DGKI: variants seen among roughly 807,000 people sequenced by gnomAD.
DGKI encodes diacylglycerol kinase iota, also known as DAG kinase iota.
DGKI carries 55 observed loss-of-function variants against 147.5 expected under a neutral mutation model. That is an observed-to-expected ratio of 0.37 (90% CI 0.30 to 0.47). The LOEUF (loss-of-function observed/expected upper bound fraction) is 0.47, where lower values mean the gene tolerates loss of function less well. DGKI is among the 20% of genes least tolerant of loss of function. The probability of loss-of-function intolerance (pLI) is 1.00; values close to 1 mark genes in which losing one functional copy is unlikely to be tolerated. For synonymous variants in DGKI, 469 were observed against 477.1 expected, an observed-to-expected ratio of 0.98 and a Z score of 0.22; for missense variants, 1,007 against 1,323.8, an observed-to-expected ratio of 0.76 and a Z score of 3.71.
At chr7:137,585,142 A>AT (rs879700103) in intron 14 of DGKI, 67 bp downstream of exon 14, 41 of 1,580,208 alleles carry the variant, frequency 2.6e-5, no homozygotes, top group African/African-American at 2.7e-5. Flanking sequence ...TCCAGCCAGG[A>AT]TTTTTTTTCC....
intron 1 of DGKI, among the ~76,000 whole-genome samples, chr7:137,826,400 C>A (rs185708750): frequency 6.6e-6 from 1 of 152,322 alleles, no homozygotes; most frequent in East Asian, 1.9e-4. Flanking sequence ...CAATGTTGCA[C>A]TCCATTTACT....
At chr7:137,808,811 A>G (rs2116990922) in intron 1 of DGKI, among the ~76,000 whole-genome samples, 1 of 152,312 alleles carries the variant, frequency 6.6e-6, no homozygotes, top group Non-Finnish European at 1.5e-5. Context: ...GATGTCAAAG[A>G]TCATGGTGAG....
chr7:137,736,419 T>G (rs1795025040), intron 1 of DGKI, among the ~76,000 whole-genome samples: 1 of 152,130 alleles, frequency 6.6e-6, no homozygotes, highest in African/African-American at 2.4e-5. Context: ...GGCAAATTAT[T>G]TAGCTCCTCT....
intron 3 of DGKI, among the ~76,000 whole-genome samples, chr7:137,670,321 A>G (rs1464231283): frequency 6.6e-6 from 1 of 152,162 alleles, no homozygotes; most frequent in African/African-American, 2.4e-5. Flanking sequence ...TGAAGTGAGC[A>G]GTATCAGCAC....
intron 28 of DGKI, among the ~76,000 whole-genome samples, chr7:137,427,955 C>T (rs1165274447): frequency 7.3e-5 from 11 of 150,798 alleles, no homozygotes; most frequent in East Asian, 3.9e-4. Flanking sequence ...GATTCACAGC[C>T]GAATTCTACC....
chr7:137,716,325 T>C (rs1238883382), intron 1 of DGKI, among the ~76,000 whole-genome samples: 1 of 152,216 alleles, frequency 6.6e-6, no homozygotes, highest in African/African-American at 2.4e-5. Context: ...GGCCTTTAAA[T>C]GACTGTAAAA....
chr7:137,786,963 C>A (rs752458017), intron 1 of DGKI, among the ~76,000 whole-genome samples: 1 of 152,098 alleles, frequency 6.6e-6, no homozygotes, highest in South Asian at 2.1e-4. Flanking sequence ...TCACCTTATA[C>A]AAAAATCAAC....
At chr7:137,779,192 G>C (rs1250395647) in intron 1 of DGKI, among the ~76,000 whole-genome samples, 5 of 152,072 alleles carry the variant, frequency 3.3e-5, no homozygotes, top group Non-Finnish European at 7.4e-5. Flanking sequence ...CAAGTCTATA[G>C]TCAATTGATT....
At chr7:137,831,545 A>T (rs1409928288) in intron 1 of DGKI, among the ~76,000 whole-genome samples, 1 of 152,198 alleles carries the variant, frequency 6.6e-6, no homozygotes, top group East Asian at 1.9e-4. Context: ...TGAGAACAGC[A>T]TAAGAAAGAC....
At chr7:137,782,951 C>T (rs1223765446) in intron 1 of DGKI, among the ~76,000 whole-genome samples, 1 of 152,174 alleles carries the variant, frequency 6.6e-6, no homozygotes, top group Non-Finnish European at 1.5e-5. Context: ...ATCAAGGGAG[C>T]ACCCCGTGGG....
At chr7:137,514,059 G>C (rs1032623067) in intron 21 of DGKI, 1 of 563,856 alleles carries the variant, frequency 1.8e-6, no homozygotes, top group Non-Finnish European at 3.3e-6. Context: ...AATGGATCTA[G>C]AACTTCATCG....
intron 21 of DGKI, among the ~76,000 whole-genome samples, chr7:137,512,071 A>C (rs908811769): frequency 6.6e-6 from 1 of 152,182 alleles, no homozygotes; most frequent in South Asian, 2.1e-4. Flanking sequence ...TTGTACACAA[A>C]ACTCAGTCTC....
chr7:137,391,555 G>A (rs1010404358), intron 32 of DGKI, among the ~76,000 whole-genome samples: 9 of 152,140 alleles, frequency 5.9e-5, no homozygotes, highest in African/African-American at 1.9e-4. Flanking sequence ...GAACATGTGC[G>A]ATTGGTAAAT....
intron 1 of DGKI, among the ~76,000 whole-genome samples, chr7:137,728,464 T>C (rs1794774431): frequency 6.6e-6 from 1 of 152,164 alleles, no homozygotes; most frequent in South Asian, 2.1e-4. Flanking sequence ...AGCAATAGTT[T>C]AGCCCCAGCA....
chr7:137,460,254 A>T (rs1232115214), intron 27 of DGKI, among the ~76,000 whole-genome samples: 2 of 152,216 alleles, frequency 1.3e-5, no homozygotes, highest in Non-Finnish European at 2.9e-5. Flanking sequence ...TTATCGAGTA[A>T]GCTGAAACTG....
At chr7:137,542,619 T>TG (rs1817740304) in intron 20 of DGKI, among the ~76,000 whole-genome samples, 1 of 152,176 alleles carries the variant, frequency 6.6e-6, no homozygotes, top group African/African-American at 2.4e-5. Flanking sequence ...TTGACTACAG[T>TG]GGAATACATC....
rs531816391 is a variant in DGKI, at chr7:137,405,616, A to G, written c.2920+2259T>C. 5.3e-5 allele frequency among the ~76,000 whole-genome samples: 8 copies of G among 152,316 alleles called. No individual in the cohort carries two copies. The South Asian group carries it at 1.2e-3, about 24-fold the overall frequency. ...CATCAAACAGTGGAATCTGTTTCCCAACCTTTTAAATCTGGGCTGGCCCTG... is the reference window on the plus strand; with the variant it reads ...CATCAAACAGTGGAATCTGTTTCCCGACCTTTTAAATCTGGGCTGGCCCTG... On this transcript the variant is annotated intron_variant, in intron 30 of 32. Coordinates refer to ENST00000614521, the MANE Select transcript of DGKI (RefSeq NM_001321708.2).
chr7:137,419,817 T>C (rs1266057118), intron 28 of DGKI, among the ~76,000 whole-genome samples: 2 of 152,226 alleles, frequency 1.3e-5, no homozygotes, highest in Non-Finnish European at 2.9e-5. Flanking sequence ...TGTGACAAAT[T>C]ATTTGTTATA....
intron 30 of DGKI, among the ~76,000 whole-genome samples, chr7:137,403,338 C>T (rs1811833887): frequency 6.6e-6 from 1 of 152,184 alleles, no homozygotes; most frequent in Admixed American, 6.5e-5. Flanking sequence ...TTCAAGCCTC[C>T]CATGGCGCTT....
Sources: gnomAD v4.1 joint callset for allele counts (sites outside exome capture counted in the v4.1 genomes callset) on GRCh38, gnomAD v4.1.1 for gene constraint, MANE v1.5 for transcripts, NCBI Gene and HGNC (gene_info 2026-07-23, HGNC 2026-07-21) for gene names.